The following ERC2 variants were observed in gnomAD, a reference collection of about 807,000 sequenced individuals.
ERC2 encodes ERC protein 2.
ERC2 carries 42 observed loss-of-function variants against 114.8 expected under a neutral mutation model. That is an observed-to-expected ratio of 0.37 (90% confidence interval 0.29 to 0.47). ERC2 has a LOEUF of 0.47. Ranked by LOEUF, ERC2 falls within the 20% of genes least tolerant of loss-of-function variation. The pLI, the probability that ERC2 is intolerant of heterozygous loss-of-function variation, is 0.99. For missense variants in ERC2, 939 were observed against 1,150.7 expected (o/e 0.82, Z 2.66); for synonymous variants, 454 against 425.5 (o/e 1.07, Z -0.82).
intron 6 of ERC2, among the ~76,000 whole-genome samples, chr3:56,109,467 G>C (rs1384824188): frequency 6.6e-6 from 1 of 152,090 alleles, no homozygotes; most frequent in East Asian, 1.9e-4. Flanking sequence ...ATTGTGAATA[G>C]TGCTGCAATG....
At chr3:56,039,987 A>G (rs922768427) in intron 7 of ERC2, among the ~76,000 whole-genome samples, 1 of 152,180 alleles carries the variant, frequency 6.6e-6, no homozygotes, top group Non-Finnish European at 1.5e-5. Context: ...ACATGTAAAA[A>G]CCAACTAAAA....
At chr3:55,583,054 G>GT in intron 17 of ERC2, among the ~76,000 whole-genome samples, 1 of 152,276 alleles carries the variant, frequency 6.6e-6, no homozygotes, top group South Asian at 2.1e-4. Flanking sequence ...ACTAAACATA[G>GT]TAAGTACTAA....
At chr3:56,092,466 G>GTTCA (rs1458460534) in intron 6 of ERC2, among the ~76,000 whole-genome samples, 9 of 152,144 alleles carry the variant, frequency 5.9e-5, no homozygotes, top group African/African-American at 2.2e-4. Context: ...TTAATGCTCA[G>GTTCA]TTCAGTTCCA....
chr3:55,821,857 T>C (rs1175563437), intron 14 of ERC2, among the ~76,000 whole-genome samples: 1 of 152,226 alleles, frequency 6.6e-6, no homozygotes, highest in Non-Finnish European at 1.5e-5. Flanking sequence ...TACCATAGGC[T>C]GGGGCTCAGA....
intron 14 of ERC2, among the ~76,000 whole-genome samples, chr3:55,779,398 GGCT>G (rs1366984599): frequency 6.6e-6 from 1 of 151,208 alleles, no homozygotes; most frequent in Non-Finnish European, 1.5e-5. Context: ...CTACTCAGGA[GGCT>G]GAGGCGGGAG....
chr3:55,537,940 C>G (rs557827964), intron 17 of ERC2, among the ~76,000 whole-genome samples: 24 of 152,292 alleles, frequency 1.6e-4, no homozygotes, highest in African/African-American at 5.8e-4. Context: ...CCCCCAATTG[C>G]GGACGAGCCC....
At chr3:55,770,723 T>A (rs1222719846) in intron 14 of ERC2, among the ~76,000 whole-genome samples, 2 of 152,194 alleles carry the variant, frequency 1.3e-5, no homozygotes, top group Admixed American at 1.3e-4. Flanking sequence ...GGTACACATG[T>A]GCCATGGTGG....
intron 15 of ERC2, among the ~76,000 whole-genome samples, chr3:55,709,732 C>T (rs895578598): frequency 2.0e-5 from 3 of 152,194 alleles, no homozygotes; most frequent in African/African-American, 7.2e-5. Flanking sequence ...AATGACCCCC[C>T]AAAGGGGGAG....
intron 6 of ERC2, among the ~76,000 whole-genome samples, chr3:56,118,636 C>CTTTT (rs66888697): frequency 3.1e-5 from 4 of 127,878 alleles, no homozygotes; most frequent in Admixed American, 1.6e-4. Flanking sequence ...TATTCCTTTT[C>CTTTT]TTTTTTTTTT....
chr3:56,036,074 G>A (rs2074781030), intron 7 of ERC2, among the ~76,000 whole-genome samples: 1 of 151,976 alleles, frequency 6.6e-6, no homozygotes, highest in African/African-American at 2.4e-5. Context: ...ATCAATAATG[G>A]GCTATGCCAC....
chr3:55,612,853 C>A (rs762825325), intron 17 of ERC2: 1 of 152,194 alleles, frequency 6.6e-6, no homozygotes, highest in Non-Finnish European at 1.5e-5. Flanking sequence ...TTACAGTAAA[C>A]TTCCCTTAAT....
intron 2 of ERC2, among the ~76,000 whole-genome samples, chr3:56,431,991 G>T (rs551176433): frequency 6.6e-6 from 1 of 152,142 alleles, no homozygotes; most frequent in African/African-American, 2.4e-5. Context: ...AACCTGAGAC[G>T]GTTAAGTGGA....
intron 17 of ERC2, chr3:55,659,500 C>T (rs1207046465): frequency 6.6e-6 from 1 of 152,152 alleles, no homozygotes; most frequent in African/African-American, 2.4e-5. Context: ...CTTTCTACCC[C>T]CTACCACCTC....
At chr3:55,805,281 T>A (rs903659952) in intron 14 of ERC2, among the ~76,000 whole-genome samples, 4 of 152,018 alleles carry the variant, frequency 2.6e-5, no homozygotes, top group African/African-American at 9.7e-5. Flanking sequence ...GCCCTCCCCA[T>A]CCCATTAGAC....
intron 7 of ERC2, among the ~76,000 whole-genome samples, chr3:56,079,856 A>G (rs1001115297): frequency 6.6e-6 from 1 of 152,158 alleles, no homozygotes; most frequent in African/African-American, 2.4e-5. Context: ...CATGACAAGA[A>G]AAACATCTGG....
chr3:56,368,185 T>TTAA (rs1450463408), intron 2 of ERC2, among the ~76,000 whole-genome samples: 13 of 137,800 alleles, frequency 9.4e-5, no homozygotes, highest in African/African-American at 3.7e-4. Flanking sequence ...CTTTTTTTTT[T>TTAA]AAAAAAAAAA....
chr3:55,710,354 A>AC (rs993281718), intron 15 of ERC2, among the ~76,000 whole-genome samples: 38 of 151,392 alleles, frequency 2.5e-4, no homozygotes, highest in African/African-American at 8.0e-4. Context: ...GCGATAACTT[A>AC]CCCCCCCAAA....
At chr3:56,160,686 C>T (rs536245528) in intron 4 of ERC2, among the ~76,000 whole-genome samples, 14 of 152,130 alleles carry the variant, frequency 9.2e-5, no homozygotes, top group Non-Finnish European at 1.5e-4. Context: ...TAGTTTCATT[C>T]TTCTGCATAT....
At chr3:55,926,622 G>A (rs1385706519) in intron 13 of ERC2, among the ~76,000 whole-genome samples, 1 of 152,118 alleles carries the variant, frequency 6.6e-6, no homozygotes, top group African/African-American at 2.4e-5. Flanking sequence ...TCTGTCACTA[G>A]CAAACTGCAT....
Sources: allele counts gnomAD v4.1 joint callset (sites outside exome capture counted in the v4.1 genomes callset), GRCh38; gene constraint gnomAD v4.1.1; transcripts MANE v1.5; gene names NCBI Gene and HGNC (gene_info 2026-07-23, HGNC 2026-07-21).